HMCN2: variants seen among roughly 807,000 people sequenced by gnomAD.
The protein encoded by HMCN2 is hemicentin 2.
HMCN2 carries 325 observed loss-of-function variants against 377.5 expected under a neutral mutation model. The ratio of observed to expected loss-of-function variants is 0.86; its 90% confidence interval spans 0.79 to 0.94. The LOEUF is 0.94. Among genes scored for constraint, HMCN2 ranks in the 40% least tolerant of loss-of-function variants. The pLI, the probability that HMCN2 is intolerant of heterozygous loss-of-function variation, is 0.00. For missense variants in HMCN2, 4,543 were observed against 4,725.3 expected (o/e 0.96, Z 1.13); for synonymous variants, 2,007 against 2,046.8 (o/e 0.98, Z 0.53).
At chr9:130,357,171 T>C (rs1840075531) in intron 34 of HMCN2, among the ~76,000 whole-genome samples, 1 of 133,024 alleles carries the variant, frequency 7.5e-6, no homozygotes, top group South Asian at 2.4e-4. Flanking sequence ...AATGGATAGA[T>C]GGGTAAATGG....
Position 130,318,961 on chromosome 9 carries a change from C to T in HMCN2, c.2351-534C>T, listed in dbSNP as rs929512335. Among the ~76,000 whole-genome samples, 26 of 152,300 alleles carry T rather than the reference C, an allele frequency of 1.7e-4. No homozygotes were observed. In the South Asian group the frequency reaches 3.9e-3, roughly 23 times the overall value. On this transcript the variant is annotated intron_variant, in intron 15 of 97. Transcript: ENST00000683500. ...GGCTGTGGAAATGGCAGCTGAGTCC[C>T]GCCAGGCCCCCCAGGCCATGCTCCC...
chr9:130,353,794 C>A (rs1839862662), intron 31 of HMCN2, among the ~76,000 whole-genome samples: 1 of 152,156 alleles, frequency 6.6e-6, no homozygotes, highest in Admixed American at 6.5e-5. Flanking sequence ...GCTCTGGGGA[C>A]TTTTGAAGGA....
At chr9:130,356,740 A>G (rs1459582371) in intron 34 of HMCN2, among the ~76,000 whole-genome samples, 1 of 152,082 alleles carries the variant, frequency 6.6e-6, no homozygotes, top group African/African-American at 2.4e-5. Context: ...CTACATTGGG[A>G]TTGCTTATTT....
Position 130,303,686 on chromosome 9 carries a change from C to A in HMCN2, c.1543+78C>A. 2 of 205,594 alleles carry A rather than the reference C, an allele frequency of 9.7e-6. No individual in the cohort carries two copies. The highest frequency in any genetic ancestry group is 6.1e-5 in the South Asian group (1 of 16,458). The allele number at this position is 205,594 out of a possible 1,614,324, so 12.7% of individuals were successfully genotyped here. A position where few individuals can be genotyped will look rare whatever the true frequency, so the allele number is the denominator to read the frequency against. On this transcript the variant is annotated intron_variant, in intron 10 of 97. Coordinates refer to ENST00000683500, the MANE Select transcript of HMCN2 (RefSeq NM_001291815.2). The surrounding 1 kb of genome is among the most constrained non-coding windows in gnomAD (Gnocchi z 5.2). Reference sequence around the variant, plus strand: ...TCTTACCCCTAGGATTTCCTCCAGGCGAGTCTCCAGCCAGCTGCTGGGACA... The same window carrying A: ...TCTTACCCCTAGGATTTCCTCCAGGAGAGTCTCCAGCCAGCTGCTGGGACA...
rs185796814 is a variant in HMCN2 at position 130,425,876 on chromosome 9, C to G, written c.13831C>G (p.Pro4611Ala). Residue 4611 changes from proline (P) to alanine (A), a missense_variant, in exon 90 of 98, where the codon CCA (proline) becomes GCA (alanine). Transcript: ENST00000683500. ...CTCAGCTATCAGCTCGGCCTTTGAT[C>G]CAGAGGCCGAGGCCCTGCGCTTCCA... ...RASAISSAFD[P>A]EAEALRFQLA... is the part of the protein sequence containing the mutation. The G allele has an allele frequency of 3.0e-4, 460 of 1,550,206 alleles. No individual in the cohort carries two copies. The African/African-American group carries it at 5.7e-3, about 19-fold the overall frequency.
chr9:130,403,498 C>T (rs1185137669), intron 79 of HMCN2, among the ~76,000 whole-genome samples, 170 bp downstream of exon 79: 1 of 152,222 alleles, frequency 6.6e-6, no homozygotes, highest in African/African-American at 2.4e-5. Flanking sequence ...TCCCCCTCCC[C>T]AACCCTTCTC....
At position 130,422,012 on chromosome 9, in the gene HMCN2, G is replaced by A. The variant is rs755554719; in HGVS notation, c.13232-565G>A. ...GCACCCCCCTGTGCCTGCATCATCC[G>A]TTTGATTAGCGCTAAAGAGCATCTG... On this transcript the variant is annotated intron_variant, in intron 86 of 97. Transcript: ENST00000683500. The surrounding 1 kb of genome is among the most constrained non-coding windows in gnomAD (Gnocchi z 4.2). Among the ~76,000 whole-genome samples, 3 of 152,226 alleles carry A rather than the reference G, an allele frequency of 2.0e-5. No homozygotes were observed. Among genetic ancestry groups the A allele is most frequent in the Admixed American group, 1.3e-4 (2 of 15,284 alleles).
chr9:130,427,614 G>A lies in HMCN2; in HGVS notation c.14060G>A (p.Cys4687Tyr). 6.5e-7 allele frequency: 1 copy of A among 1,550,084 alleles called. No homozygotes were observed. The highest frequency in any genetic ancestry group is 2.4e-5 in the East Asian group (1 of 40,908). ...GFALAWDDRN[C>Y]RDVDECAWDA... Reference sequence around the variant, plus strand: ...GCCCTGGCCTGGGATGACAGGAACTGCAGAGGTGAGGGAGCTGCCGGGAGG... The same window carrying A: ...GCCCTGGCCTGGGATGACAGGAACTACAGAGGTGAGGGAGCTGCCGGGAGG... The change falls in exon 92 of 98, where the codon TGC becomes TAC. Residue 4687 changes from cysteine (C) to tyrosine (Y), a missense_variant. Physicochemically the swap from Cys to Tyr is radical, Grantham distance 194. This residue lies in a region of HMCN2 where 1,155 missense variants were observed against 1,157.7 expected (regional missense o/e 1.00). Coordinates refer to ENST00000683500, the MANE Select transcript of HMCN2 (RefSeq NM_001291815.2).
intron 31 of HMCN2, among the ~76,000 whole-genome samples, 178 bp from the exon 32 acceptor site, chr9:130,354,585 G>A (rs1839919542): frequency 6.6e-6 from 1 of 152,204 alleles, no homozygotes; most frequent in African/African-American, 2.4e-5. Flanking sequence ...CAGGGGCTGA[G>A]GAGGGTGAGA....
At chr9:130,431,215 C>T (rs758575539) in intron 95 of HMCN2, 152 bp from the exon 96 acceptor site, 6 of 773,502 alleles carry the variant, frequency 7.8e-6, no homozygotes, top group East Asian at 5.4e-5. Context: ...CTCCCCCAAC[C>T]CCTGAACCTG....
At chr9:130,288,923 G>A (rs987514764) in intron 4 of HMCN2, among the ~76,000 whole-genome samples, 2 of 152,192 alleles carry the variant, frequency 1.3e-5, no homozygotes, top group African/African-American at 2.4e-5. Flanking sequence ...GGCAGGCAAC[G>A]TGGCCCCTTG....
intron 8 of HMCN2, among the ~76,000 whole-genome samples, chr9:130,300,346 A>G (rs1836440485): frequency 6.6e-6 from 1 of 152,248 alleles, no homozygotes; most frequent in Non-Finnish European, 1.5e-5. Context: ...GGTGCTAGGC[A>G]CTGTAGACAC....
intron 52 of HMCN2, among the ~76,000 whole-genome samples, 183 bp from the exon 53 acceptor site, chr9:130,377,466 C>T (rs1841452895): frequency 6.6e-6 from 1 of 152,238 alleles, no homozygotes; most frequent in South Asian, 2.1e-4. Flanking sequence ...ACTATTTTCA[C>T]CCATGTGTGG....
intron 19 of HMCN2, 49 bp downstream of exon 19, chr9:130,321,980 T>C (rs1382220020): frequency 1.3e-5 from 2 of 151,416 alleles, no homozygotes; most frequent in African/African-American, 4.9e-5. Context: ...GGGAACATGA[T>C]GGGGTGGGGG....
At position 130,375,751 on chromosome 9, in the gene HMCN2, G is replaced by A. The variant is rs908826795; in HGVS notation, c.7804+15G>A. The stretch of plus-strand genomic sequence containing the variant: ...GCTGCTCCCAGGTGACGCCCTCTGG[G>A]GGGAAAGGAGGGAGGGAACAGGTGA... On this transcript the variant is annotated intron_variant, in intron 50 of 97. Coordinates refer to ENST00000683500, the MANE Select transcript of HMCN2 (RefSeq NM_001291815.2). 1.4e-5 allele frequency: 14 copies of A among 985,676 alleles called. No homozygotes were observed. The African/African-American group carries it at 2.4e-4, about 17-fold the overall frequency. 61.1% of individuals were successfully genotyped at this position (985,676 alleles called of 1,614,324 possible). A position where few individuals can be genotyped will look rare whatever the true frequency, so the allele number is the denominator to read the frequency against.
chr9:130,371,220 C>G (rs1841002007), intron 46 of HMCN2, 89 bp downstream of exon 46: 1 of 752,422 alleles, frequency 1.3e-6, no homozygotes, highest in Non-Finnish European at 1.6e-6. Context: ...ACCTCTGACT[C>G]TGAGCTGCCA....
chr9:130,346,070 G>A (rs1434547365), intron 25 of HMCN2, among the ~76,000 whole-genome samples: 1 of 152,138 alleles, frequency 6.6e-6, no homozygotes, highest in Non-Finnish European at 1.5e-5. Context: ...CAACAGTCCT[G>A]ATGACCAGCG....
At chr9:130,275,880 G>T (rs934984925) in intron 1 of HMCN2, among the ~76,000 whole-genome samples, 4 of 152,218 alleles carry the variant, frequency 2.6e-5, no homozygotes, top group African/African-American at 9.6e-5. Flanking sequence ...CTGGAGGTCT[G>T]AGCGGCCCGT....
At chr9:130,329,974 C>G (rs1051410315) in intron 22 of HMCN2, among the ~76,000 whole-genome samples, 7 of 151,490 alleles carry the variant, frequency 4.6e-5, no homozygotes, top group Admixed American at 3.9e-4. Flanking sequence ...TCCCCTCCCC[C>G]CCTTCCCTAC....
Sources: gnomAD v4.1 joint callset for allele counts (sites outside exome capture counted in the v4.1 genomes callset) on GRCh38, gnomAD v4.1.1 for gene constraint, gnomAD v4.1.1 regional missense constraint, Gnocchi (gnomAD v3.1) non-coding constraint, MANE v1.5 for transcripts, NCBI Gene and HGNC (gene_info 2026-07-23, HGNC 2026-07-21) for gene names.